INSC: variants seen among roughly 807,000 people sequenced by gnomAD.
INSC encodes the protein INSC spindle orientation adaptor protein.
Under a neutral mutation model 58.6 loss-of-function variants are expected in INSC, and 67 were observed. The ratio of observed to expected loss-of-function variants is 1.14; its 90% CI spans 0.94 to 1.40. The LOEUF is 1.40. Ranked by LOEUF, INSC falls within the 40% of genes most tolerant of loss-of-function variation. The pLI is 0.00. For synonymous variants in INSC, 262 were observed against 276.1 expected (o/e 0.95, Z 0.51); for missense variants, 714 against 692.0 (o/e 1.03, Z -0.36).
the INSC span, among the ~76,000 whole-genome samples, chr11:15,253,453 T>C: frequency 1.3e-5 from 2 of 152,148 alleles, no homozygotes; most frequent in African/African-American, 2.4e-5. Flanking sequence ...TCTCTGGCTA[T>C]ATTAAACCTC....
At chr11:15,186,720 A>AT (rs1329258459) in intron 5 of INSC, among the ~76,000 whole-genome samples, 1 of 151,930 alleles carries the variant, frequency 6.6e-6, no homozygotes, top group African/African-American at 2.4e-5. Flanking sequence ...TAATTCATGC[A>AT]TTTTTCCAGC....
intron 1 of INSC, among the ~76,000 whole-genome samples, chr11:15,131,176 TTTG>T (rs1261529725): frequency 1.3e-5 from 2 of 152,102 alleles, no homozygotes; most frequent in African/African-American, 4.8e-5. Flanking sequence ...GTCTATAATT[TTTG>T]TTCTCAGTTC....
At chr11:15,152,183 G>GGATCAAT (rs1363484818) in intron 2 of INSC, among the ~76,000 whole-genome samples, 1 of 152,152 alleles carries the variant, frequency 6.6e-6, no homozygotes, top group Non-Finnish European at 1.5e-5. Flanking sequence ...ACCATCTTTA[G>GGATCAAT]GATCAATGCC....
intron 6 of INSC, among the ~76,000 whole-genome samples, chr11:15,192,188 C>T (rs1455079148): frequency 6.6e-6 from 1 of 152,246 alleles, no homozygotes. Flanking sequence ...GCCTCCCTCC[C>T]TCTGGCTCCC....
chr11:15,160,905 C>T (rs994361633), intron 2 of INSC, among the ~76,000 whole-genome samples: 5 of 152,192 alleles, frequency 3.3e-5, no homozygotes, highest in Admixed American at 1.3e-4. Context: ...TGTCAGAAAC[C>T]TCTTTGAGCC....
At chr11:15,206,768 C>T (rs1850817387) in intron 7 of INSC, among the ~76,000 whole-genome samples, 1 of 152,214 alleles carries the variant, frequency 6.6e-6, no homozygotes, top group Non-Finnish European at 1.5e-5. Flanking sequence ...TAAAATGGGA[C>T]TCCCACCTTC....
chr11:15,190,068 A>C (rs2133858894), intron 5 of INSC, among the ~76,000 whole-genome samples: 1 of 152,314 alleles, frequency 6.6e-6, no homozygotes, highest in Non-Finnish European at 1.5e-5. Context: ...AGCCTTGATC[A>C]GTATAGCATT....
chr11:15,198,104 C>T (rs556082981), intron 6 of INSC, among the ~76,000 whole-genome samples: 15 of 152,244 alleles, frequency 9.9e-5, no homozygotes, highest in African/African-American at 3.6e-4. Flanking sequence ...ATATCCTAGC[C>T]CTCGGGACCT....
At chr11:15,157,389 G>A (rs909372721) in intron 2 of INSC, among the ~76,000 whole-genome samples, 1 of 152,152 alleles carries the variant, frequency 6.6e-6, no homozygotes, top group East Asian at 1.9e-4. Flanking sequence ...TTCAATTCCC[G>A]TCCTCTGTGT....
At chr11:15,234,363 C>CTT (rs1852040443) in intron 9 of INSC, among the ~76,000 whole-genome samples, 1 of 152,166 alleles carries the variant, frequency 6.6e-6, no homozygotes, top group South Asian at 2.1e-4. Flanking sequence ...AAAGTTTTTC[C>CTT]TTTCTGTTTA....
At chr11:15,204,213 A>G (rs1427558416) in intron 7 of INSC, among the ~76,000 whole-genome samples, 1 of 152,214 alleles carries the variant, frequency 6.6e-6, no homozygotes, top group African/African-American at 2.4e-5. Context: ...CCATCCTGTT[A>G]TATCTCCACT....
At position 15,134,492 on chromosome 11, in the gene INSC, C is replaced by T. The variant is rs537913740; in HGVS notation, c.-45-14638C>T. On this transcript the variant is annotated intron_variant, in intron 1 of 12. Coordinates refer to ENST00000379556, the MANE Select transcript of INSC (RefSeq NM_001042536.3). Reference sequence around the variant, plus strand: ...GGACTTAAATGTTTGTAGGTATTTACTCCATTCCACCATGATCCCATTAAT... The same window carrying T: ...GGACTTAAATGTTTGTAGGTATTTATTCCATTCCACCATGATCCCATTAAT... Among the ~76,000 whole-genome samples, 5 of 152,304 alleles carry T rather than the reference C, an allele frequency of 3.3e-5. No individual in the cohort carries two copies. In the South Asian group the frequency reaches 1.0e-3, roughly 32 times the overall value.
intron 7 of INSC, 84 bp from the exon 8 acceptor site, chr11:15,221,381 ATGTAGTGGGGGC>A: frequency 7.1e-7 from 1 of 1,415,750 alleles, no homozygotes; most frequent in Non-Finnish European, 9.6e-7. Context: ...GCTGGCTTCC[ATGTAGTGGGGGC>A]TGAATCTGTA....
At chr11:15,116,766 C>G (rs998153587) in intron 1 of INSC, among the ~76,000 whole-genome samples, 1 of 149,108 alleles carries the variant, frequency 6.7e-6, no homozygotes, top group African/African-American at 2.5e-5. Context: ...TCCTTCCATT[C>G]TTTCTTTTTT....
chr11:15,239,187 G>T (rs1852248290), intron 11 of INSC, 113 bp downstream of exon 11: 1 of 1,332,230 alleles, frequency 7.5e-7, no homozygotes, highest in African/African-American at 1.5e-5. Flanking sequence ...GCTGGCATAA[G>T]CCCTGTCTCT....
the INSC span, among the ~76,000 whole-genome samples, chr11:15,255,098 T>C: frequency 6.6e-6 from 1 of 152,224 alleles, no homozygotes; most frequent in African/African-American, 2.4e-5. Context: ...GATCATATAA[T>C]AGAAGGCAGG....
chr11:15,136,113 C>T (rs1848239057), intron 1 of INSC, among the ~76,000 whole-genome samples: 1 of 152,064 alleles, frequency 6.6e-6, no homozygotes, highest in African/African-American at 2.4e-5. Flanking sequence ...GCAATAAAGC[C>T]AATATTACAA....
At chr11:15,140,719 C>T (rs569381264) in intron 1 of INSC, among the ~76,000 whole-genome samples, 112 of 152,084 alleles carry the variant, frequency 7.4e-4, no homozygotes, top group Admixed American at 1.4e-3. Context: ...GCTGGGACTA[C>T]AGGAATGTAC....
intron 7 of INSC, among the ~76,000 whole-genome samples, chr11:15,203,796 T>A (rs1315840954): frequency 1.3e-5 from 2 of 151,584 alleles, no homozygotes. Flanking sequence ...GCTGTCTGCC[T>A]TGTATGGCCC....
Sources: gnomAD v4.1 joint callset for allele counts (sites outside exome capture counted in the v4.1 genomes callset) on GRCh38, gnomAD v4.1.1 for gene constraint, MANE v1.5 for transcripts, NCBI Gene and HGNC (gene_info 2026-07-23, HGNC 2026-07-21) for gene names.